ZNF615: variants seen among roughly 807,000 people sequenced by gnomAD.
ZNF615 encodes zinc finger protein 615.
In ZNF615, 15 loss-of-function variants were observed where a neutral mutation model predicts 15.3. That is an observed-to-expected ratio of 0.98 (90% confidence interval 0.66 to 1.51). The LOEUF (loss-of-function observed/expected upper bound fraction) is 1.51. ZNF615 is among the 40% of genes most tolerant of loss of function. The pLI, the probability that ZNF615 is intolerant of heterozygous loss-of-function variation, is 0.00. For missense variants in ZNF615, 848 were observed against 895.9 expected (o/e 0.95, Z 0.68); for synonymous variants, 268 against 294.6 (o/e 0.91, Z 0.92).
In ZNF615 at chr19:52,008,145, C is replaced by T. The variant is rs912278719; in HGVS notation, c.-232G>A. The T allele has an allele frequency of 5.9e-6, 9 of 1,535,600 alleles. No individual in the cohort carries two copies. Among genetic ancestry groups the T allele is most frequent in the Non-Finnish European group, 7.8e-6 (9 of 1,146,796 alleles). The stretch of plus-strand genomic sequence containing the variant: ...CCACCCAGTGACTGAACTTACTTCC[C>T]AGAACTTGGTGGGCTCCGGCCTCAT... On this transcript the variant is annotated 5_prime_UTR_variant, in exon 1 of 7. The change creates a premature stop within an existing upstream ORF in the 5' untranslated region. Transcript: ENST00000598071.
rs375031176 is a variant in ZNF615, at chr19:51,991,838, C to A, written c.*1042G>T. On this transcript the variant is annotated 3_prime_UTR_variant, in exon 7 of 7. Coordinates refer to ENST00000598071, the MANE Select transcript of ZNF615 (RefSeq NM_001199324.2). ...AGTTAACAGTATTGTAACAATTTCACTTTCCTGTATTTGGTAATGAACTAT... is the reference window on the plus strand; with the variant it reads ...AGTTAACAGTATTGTAACAATTTCAATTTCCTGTATTTGGTAATGAACTAT... The A allele has an allele frequency of 3.3e-5, 5 of 152,028 alleles. No homozygotes were observed. The highest frequency in any genetic ancestry group is 1.9e-4 in the East Asian group (1 of 5,200). 9.4% of individuals were successfully genotyped at this position (152,028 alleles called of 1,614,324 possible).
rs532306050 is a variant in ZNF615 at position 51,997,498 on chromosome 19, A to C, written c.272-2661T>G. On this transcript the variant is annotated intron_variant, in intron 6 of 6. Coordinates refer to ENST00000598071, the MANE Select transcript of ZNF615 (RefSeq NM_001199324.2). The stretch of plus-strand genomic sequence containing the variant: ...GGTTCTATACTTAAGACTCCAACTA[A>C]TGACCTAACTGGATCATACTATCCC... 1.1e-4 allele frequency among the ~76,000 whole-genome samples: 16 copies of C among 141,652 alleles called. No individual in the cohort carries two copies. The East Asian group carries it at 1.4e-3, about 13-fold the overall frequency. 92.9% of individuals were successfully genotyped at this position (141,652 alleles called of 152,430 possible). A position where few individuals can be genotyped will look rare whatever the true frequency, so the allele number is the denominator to read the frequency against.
rs779231386 is a variant in ZNF615 at position 52,003,734 on chromosome 19, ACTGCT to A, written c.-28_-24del. ...CATTGTCTCCTAAATTTGGGAAATG[ACTGCT>A]AACTTGGACGTTCTGTATTTGTCTC... On this transcript the variant is annotated 5_prime_UTR_variant, in exon 3 of 7. Coordinates refer to ENST00000598071, the MANE Select transcript of ZNF615 (RefSeq NM_001199324.2). The A allele has an allele frequency of 6.2e-7, 1 of 1,611,686 alleles. No homozygotes were observed. The highest frequency in any genetic ancestry group is 8.5e-7 in the Non-Finnish European group (1 of 1,178,898).
chr19:51,998,432 T>A (rs1433688933), intron 6 of ZNF615, among the ~76,000 whole-genome samples: 1 of 152,166 alleles, frequency 6.6e-6, no homozygotes, highest in African/African-American at 2.4e-5. Flanking sequence ...GTTCCCACCC[T>A]ACAAGCACAG....
chr19:51,995,015 C>G (rs2086377893), intron 6 of ZNF615, among the ~76,000 whole-genome samples, 178 bp from the exon 7 acceptor site: 1 of 151,972 alleles, frequency 6.6e-6, no homozygotes, highest in African/African-American at 2.4e-5. Context: ...CGGACTGAGT[C>G]CGAAAAAGGA....
rs376778440 is a variant in ZNF615 at position 51,993,577 on chromosome 19, A to G, written c.1532T>C (p.Ile511Thr). Residue 511 changes from isoleucine to threonine, a missense_variant, in exon 7 of 7, where the codon ATT becomes ACT. Transcript: ENST00000598071. ...GKGFTVKSRL[I>T]VHQRTHTGEK... ...TCCAGTATGAGTTCGCTGATGCACAATAAGGCGGCTCTTCACAGTGAAGCC... is the reference window on the plus strand; with the variant it reads ...TCCAGTATGAGTTCGCTGATGCACAGTAAGGCGGCTCTTCACAGTGAAGCC... 3.4e-5 allele frequency: 55 copies of G among 1,613,686 alleles called. 1 individual carries two copies. The African/African-American group carries it at 4.5e-4, about 13-fold the overall frequency.
intron 6 of ZNF615, among the ~76,000 whole-genome samples, chr19:51,998,518 ATT>A (rs1158160405): frequency 7.2e-5 from 11 of 152,236 alleles, no homozygotes; most frequent in Non-Finnish European, 1.3e-4. Flanking sequence ...AAGATATGTT[ATT>A]TATATATCTG....
chr19:52,002,343 A>G (rs2086623947), intron 3 of ZNF615, 62 bp from the exon 4 acceptor site: 9 of 1,611,640 alleles, frequency 5.6e-6, no homozygotes, highest in Admixed American at 1.7e-5. Context: ...AAAGAATGTC[A>G]AGGAAGTCAT....
At position 51,996,385 on chromosome 19, in the gene ZNF615, C is replaced by CAAAAAAAAAAAAAAAAAA. The variant is rs1172310589; in HGVS notation, c.272-1566_272-1549dup. Among the ~76,000 whole-genome samples the CAAAAAAAAAAAAAAAAAA allele has an allele frequency of 1.8e-3, 60 of 33,300 alleles. 3 individuals are homozygous for CAAAAAAAAAAAAAAAAAA. The highest frequency in any genetic ancestry group is 2.2e-3 in the Non-Finnish European group (40 of 18,118). 21.8% of individuals were successfully genotyped at this position (33,300 alleles called of 152,430 possible). Reference sequence around the variant, plus strand: ...GGGGTGACACAGCAAGACTCTGTCTCAAAAAAAAAAAAAAAAAAAAAAACG... The same window carrying CAAAAAAAAAAAAAAAAAA: ...GGGGTGACACAGCAAGACTCTGTCTCAAAAAAAAAAAAAAAAAAAAAAAAAAAAAAAAAAAAAAAAACG... On this transcript the variant is annotated intron_variant, in intron 6 of 6. Coordinates refer to ENST00000598071, the MANE Select transcript of ZNF615 (RefSeq NM_001199324.2).
At chr19:52,007,906 G>C (rs1176621418) in intron 1 of ZNF615, 2 of 509,128 alleles carry the variant, frequency 3.9e-6, no homozygotes, top group South Asian at 5.7e-5. Context: ...CGAGGACCCT[G>C]TGACTGGTCC....
rs2086686831 is a variant in ZNF615 at position 52,004,281 on chromosome 19, C to T, written c.-189-381G>A. On this transcript the variant is annotated intron_variant, in intron 2 of 6. Coordinates refer to ENST00000598071, the MANE Select transcript of ZNF615 (RefSeq NM_001199324.2). Reference sequence around the variant, plus strand: ...TGTACCCATCTACCTTTTCAGAGGTCTTTTTACATTCTAGGATACTGCAAT... The same window carrying T: ...TGTACCCATCTACCTTTTCAGAGGTTTTTTTACATTCTAGGATACTGCAAT... The T allele has an allele frequency of 1.3e-5, 2 of 152,236 alleles. 1 individual carries two copies. Among genetic ancestry groups the T allele is most frequent in the Admixed American group, 1.3e-4 (2 of 15,282 alleles). 9.4% of individuals were successfully genotyped at this position (152,236 alleles called of 1,614,324 possible).
At chr19:52,006,825 A>C (rs528524653) in intron 2 of ZNF615, among the ~76,000 whole-genome samples, 1 of 152,324 alleles carries the variant, frequency 6.6e-6, no homozygotes, top group Non-Finnish European at 1.5e-5. Flanking sequence ...ATAATATGTT[A>C]GGCAGAGAGA....
rs965244461 is a variant in ZNF615 at position 52,002,293 on chromosome 19, C to G, written c.16-12G>C. The stretch of plus-strand genomic sequence containing the variant: ...AGTGTTAGGGATTCCTGTAATAACA[C>G]ACTTCTGTTTAATGAAGTCATATTC... On this transcript the variant is annotated splice_polypyrimidine_tract_variant and intron_variant, in intron 3 of 6. Coordinates refer to ENST00000598071, the MANE Select transcript of ZNF615 (RefSeq NM_001199324.2). The G allele has an allele frequency of 3.7e-6, 6 of 1,613,898 alleles. No individual in the cohort carries two copies. Among genetic ancestry groups the G allele is most frequent in the Non-Finnish European group, 5.1e-6 (6 of 1,179,914 alleles).
intron 6 of ZNF615, among the ~76,000 whole-genome samples, chr19:51,996,328 G>A (rs1409900019): frequency 2.2e-5 from 3 of 139,176 alleles, no homozygotes; most frequent in African/African-American, 8.3e-5. Flanking sequence ...GGAGGTTGCA[G>A]TGGGCTGAAA....
intron 1 of ZNF615, 132 bp downstream of exon 1, chr19:52,008,009 A>G: frequency 1.2e-6 from 1 of 804,512 alleles, no homozygotes; most frequent in Non-Finnish European, 2.0e-6. Context: ...AGCTCCTGAA[A>G]GAATTCCACT....
Position 51,994,081 on chromosome 19 carries a change from G to A in ZNF615, c.1028C>T (p.Thr343Ile). The A allele has an allele frequency of 6.2e-7, 1 of 1,613,912 alleles. No homozygotes were observed. Among genetic ancestry groups the A allele is most frequent in the Non-Finnish European group, 8.5e-7 (1 of 1,179,986 alleles). The change falls in exon 7 of 7, where the codon ACT (threonine) becomes ATT (isoleucine). Residue 343 changes from threonine (T) to isoleucine (I), a missense_variant. By Grantham distance (89) the Thr-to-Ile change is moderately conservative. Coordinates refer to ENST00000598071, the MANE Select transcript of ZNF615 (RefSeq NM_001199324.2). Reference protein sequence around the residue: ...GKAFSTKFSLTTHQKTHTGEK... With the variant: ...GKAFSTKFSLITHQKTHTGEK... ...TCCTGTATGAGTTTTCTGATGTGTAGTGAGACTGAACTTTGTAGAGAAGGC... is the reference window on the plus strand; with the variant it reads ...TCCTGTATGAGTTTTCTGATGTGTAATGAGACTGAACTTTGTAGAGAAGGC...
Position 52,002,293 on chromosome 19 carries a change from C to T in ZNF615, c.16-12G>A, listed in dbSNP as rs965244461. 7 of 1,614,016 alleles carry T rather than the reference C, an allele frequency of 4.3e-6. No individual in the cohort carries two copies. Among genetic ancestry groups the T allele is most frequent in the Non-Finnish European group, 5.9e-6 (7 of 1,179,906 alleles). On this transcript the variant is annotated splice_polypyrimidine_tract_variant and intron_variant, in intron 3 of 6. Transcript: ENST00000598071. ...AGTGTTAGGGATTCCTGTAATAACA[C>T]ACTTCTGTTTAATGAAGTCATATTC...
chr19:52,003,352 G>C (rs1261635574), intron 3 of ZNF615, among the ~76,000 whole-genome samples: 1 of 152,166 alleles, frequency 6.6e-6, no homozygotes, highest in Non-Finnish European at 1.5e-5. Flanking sequence ...AGATGTATTT[G>C]AGCCTCAGAA....
In ZNF615 at chr19:51,993,753, G is replaced by C; in HGVS notation, c.1356C>G (p.Ser452Arg). Reference sequence around the variant, plus strand: ...GTGTTCGCTGATGTCTGATGAGTGGGCTCTTCAAAGCGAAGCCCTTTCCAC... The same window carrying C: ...GTGTTCGCTGATGTCTGATGAGTGGCCTCTTCAAAGCGAAGCCCTTTCCAC... The part of the protein sequence containing the change: ...NECGKGFALK[S>R]PLIRHQRTHT... Residue 452 changes from serine (S) to arginine (R), a missense_variant, in exon 7 of 7, where the codon AGC (serine) becomes AGG (arginine). Ser to Arg is a moderately radical substitution (Grantham distance 110). Transcript: ENST00000598071. 6.2e-7 allele frequency: 1 copy of C among 1,611,856 alleles called. No individual in the cohort carries two copies.
Sources: allele counts gnomAD v4.1 joint callset (sites outside exome capture counted in the v4.1 genomes callset), GRCh38; gene constraint gnomAD v4.1.1; transcripts MANE v1.5; gene names NCBI Gene and HGNC (gene_info 2026-07-23, HGNC 2026-07-21).